Variants in GALNTL6 observed in about 807,000 individuals in gnomAD.
GALNTL6 encodes polypeptide N-acetylgalactosaminyltransferase like 6, also known as polypeptide N-acetylgalactosaminyltransferase-like 6.
A neutral mutation model predicts 73.7 loss-of-function variants in GALNTL6; 46 were observed. The observed-to-expected ratio is 0.62, with a 90% CI of 0.49 to 0.80. The LOEUF (loss-of-function observed/expected upper bound fraction) is 0.80, where lower values mean the gene tolerates loss of function less well. Ranked by LOEUF, GALNTL6 falls within the 30% of genes least tolerant of loss-of-function variation. The probability of loss-of-function intolerance (pLI) is 0.00; values close to 1 mark genes in which losing one functional copy is unlikely to be tolerated. For synonymous variants in GALNTL6, 259 were observed against 263.7 expected, an observed-to-expected ratio of 0.98 and a Z score of 0.17; for missense variants, 604 against 755.0, an observed-to-expected ratio of 0.80 and a Z score of 2.34.
intron 5 of GALNTL6, among the ~76,000 whole-genome samples, chr4:172,405,908 G>A (rs905369662): frequency 7.2e-5 from 11 of 151,900 alleles, no homozygotes; most frequent in Middle Eastern, 3.4e-3. Context: ...CTCTCCCAAG[G>A]ATATTGATAG....
At chr4:172,454,331 G>A (rs1028984427) in intron 5 of GALNTL6, among the ~76,000 whole-genome samples, 10 of 152,196 alleles carry the variant, frequency 6.6e-5, no homozygotes, top group African/African-American at 2.4e-4. Flanking sequence ...CGTTGATAAA[G>A]ATGGTCTTTC....
intron 2 of GALNTL6, among the ~76,000 whole-genome samples, chr4:171,969,375 G>A (rs1209141541): frequency 6.6e-6 from 1 of 152,130 alleles, no homozygotes; most frequent in Non-Finnish European, 1.5e-5. Context: ...ATTCCACAAG[G>A]CCTGAGGCAA....
rs1342765858 is a variant in GALNTL6, at chr4:172,606,564, T to TATAC, written c.554-202796_554-202795insTACA. ...AGAAGGAAGTGTATATATATATATA[T>TATAC]ACATATACATAGTATATGTATATAT... On this transcript the variant is annotated intron_variant, in intron 5 of 12. Transcript: ENST00000506823. 3.5e-3 allele frequency among the ~76,000 whole-genome samples: 479 copies of TATAC among 136,292 alleles called. 7 individuals are homozygous for TATAC. Among genetic ancestry groups the TATAC allele is most frequent in the Non-Finnish European group, 4.1e-3 (265 of 64,962 alleles). 89.4% of individuals were successfully genotyped at this position (136,292 alleles called of 152,430 possible).
intron 8 of GALNTL6, among the ~76,000 whole-genome samples, chr4:172,900,706 T>C (rs887551299): frequency 2.0e-5 from 3 of 152,196 alleles, no homozygotes; most frequent in Non-Finnish European, 2.9e-5. Flanking sequence ...GGGATATTTT[T>C]TAGTTTTCAC....
intron 5 of GALNTL6, among the ~76,000 whole-genome samples, chr4:172,682,729 C>A (rs1227530815): frequency 2.0e-5 from 3 of 152,072 alleles, no homozygotes; most frequent in African/African-American, 7.2e-5. Flanking sequence ...CTCAAAAAGG[C>A]TAATCCATCA....
intron 2 of GALNTL6, among the ~76,000 whole-genome samples, chr4:172,110,959 TA>T (rs1020042208): frequency 9.9e-5 from 15 of 151,360 alleles, no homozygotes; most frequent in East Asian, 3.9e-4. Context: ...AAGGAAACAT[TA>T]AAAAAAAATT....
chr4:171,929,533 C>G (rs1305394430), intron 2 of GALNTL6, among the ~76,000 whole-genome samples: 1 of 152,204 alleles, frequency 6.6e-6, no homozygotes. Flanking sequence ...TGTATTTTAC[C>G]TGGAGTGACT....
intron 5 of GALNTL6, among the ~76,000 whole-genome samples, chr4:172,589,400 T>C (rs1737549381): frequency 6.6e-6 from 1 of 152,212 alleles, no homozygotes; most frequent in Admixed American, 6.5e-5. Flanking sequence ...CTTTTATTGA[T>C]TTATAGTCAT....
chr4:172,071,948 T>G (rs1456338965), intron 2 of GALNTL6, among the ~76,000 whole-genome samples: 1 of 152,196 alleles, frequency 6.6e-6, no homozygotes, highest in East Asian at 1.9e-4. Context: ...ATAAGTCCTC[T>G]TATTTGGGAT....
At chr4:171,996,840 C>T (rs1740508443) in intron 2 of GALNTL6, among the ~76,000 whole-genome samples, 1 of 151,858 alleles carries the variant, frequency 6.6e-6, no homozygotes, top group South Asian at 2.1e-4. Context: ...GTTGAACAAG[C>T]TTGCTTTAAA....
At chr4:172,816,535 A>G (rs576435021) in intron 7 of GALNTL6, among the ~76,000 whole-genome samples, 263 of 152,342 alleles carry the variant, frequency 1.7e-3, no homozygotes, top group Non-Finnish European at 3.1e-3. Context: ...TAAGGCATAT[A>G]TGAACCTGAT....
At chr4:172,178,880 C>T (rs1034635009) in intron 2 of GALNTL6, among the ~76,000 whole-genome samples, 2 of 117,478 alleles carry the variant, frequency 1.7e-5, no homozygotes, top group Non-Finnish European at 3.5e-5. Flanking sequence ...TGTTCAATTC[C>T]CACCTATGAG....
At chr4:172,498,690 T>C (rs188940978) in intron 5 of GALNTL6, among the ~76,000 whole-genome samples, 19 of 152,312 alleles carry the variant, frequency 1.2e-4, no homozygotes, top group Admixed American at 3.9e-4. Flanking sequence ...ATAATTACAT[T>C]ATATAAGGTT....
intron 5 of GALNTL6, among the ~76,000 whole-genome samples, chr4:172,609,555 T>A (rs1251084040): frequency 6.6e-6 from 1 of 151,720 alleles, no homozygotes; most frequent in Non-Finnish European, 1.5e-5. Context: ...AGTGTTTTAT[T>A]GAGGATTTTT....
At chr4:172,997,371 G>A (rs866860219) in intron 10 of GALNTL6, among the ~76,000 whole-genome samples, 1 of 152,176 alleles carries the variant, frequency 6.6e-6, no homozygotes, top group Admixed American at 6.5e-5. Context: ...CTTTCTCGGA[G>A]CCTCAGTTGC....
intron 3 of GALNTL6, among the ~76,000 whole-genome samples, chr4:172,273,391 T>A (rs1485814305): frequency 1.3e-5 from 2 of 152,172 alleles, no homozygotes; most frequent in Admixed American, 6.6e-5. Flanking sequence ...TGTGTAAATA[T>A]GTATGCAATG....
chr4:172,859,082 G>T (rs1236985701), intron 7 of GALNTL6, among the ~76,000 whole-genome samples: 1 of 150,362 alleles, frequency 6.7e-6, no homozygotes, highest in Admixed American at 6.6e-5. Flanking sequence ...AAAAGAAAAT[G>T]GGGTCAGGAA....
At chr4:172,738,076 T>C (rs1313799161) in intron 5 of GALNTL6, among the ~76,000 whole-genome samples, 1 of 152,196 alleles carries the variant, frequency 6.6e-6, no homozygotes, top group Non-Finnish European at 1.5e-5. Flanking sequence ...TCCTCAGAGA[T>C]AGTTTTCCCT....
chr4:172,874,310 G>A (rs565632969), intron 7 of GALNTL6, among the ~76,000 whole-genome samples: 1 of 152,284 alleles, frequency 6.6e-6, no homozygotes, highest in East Asian at 1.9e-4. Context: ...AGGGTTGGAT[G>A]GAGAGTGTAA....
Sources: gnomAD v4.1 joint callset for allele counts (sites outside exome capture counted in the v4.1 genomes callset) on GRCh38, gnomAD v4.1.1 for gene constraint, MANE v1.5 for transcripts, NCBI Gene and HGNC (gene_info 2026-07-23, HGNC 2026-07-21) for gene names.